Variants in VCAN observed in about 807,000 individuals in gnomAD.
VCAN encodes versican core protein.
In VCAN, 44 loss-of-function variants were observed where a neutral mutation model predicts 245.5. That is an observed-to-expected ratio of 0.18 (90% CI 0.14 to 0.23). VCAN has a LOEUF of 0.23. Among genes scored for constraint, VCAN ranks in the 10% least tolerant of loss-of-function variants. The probability of loss-of-function intolerance (pLI) is 1.00; values close to 1 mark genes in which losing one functional copy is unlikely to be tolerated. For synonymous variants in VCAN, 1,413 were observed against 1,437.0 expected, an observed-to-expected ratio of 0.98 and a Z score of 0.38; for missense variants, 3,793 against 4,057.9, an observed-to-expected ratio of 0.93 and a Z score of 1.77.
intron 5 of VCAN, among the ~76,000 whole-genome samples, chr5:83,511,139 T>C (rs1745640335): frequency 6.7e-6 from 1 of 148,404 alleles, no homozygotes; most frequent in South Asian, 2.2e-4. Flanking sequence ...GTTGGGGGAG[T>C]CTTTCTCTCT....
chr5:83,489,177 A>G (rs962172290), intron 2 of VCAN, among the ~76,000 whole-genome samples: 4 of 151,288 alleles, frequency 2.6e-5, no homozygotes, highest in African/African-American at 9.8e-5. Context: ...CTTGTTGACC[A>G]TATTTTCATG....
intron 7 of VCAN, among the ~76,000 whole-genome samples, chr5:83,534,586 A>C (rs1340941758): frequency 6.6e-6 from 1 of 152,112 alleles, no homozygotes; most frequent in East Asian, 1.9e-4. Flanking sequence ...ATTTAAGTTA[A>C]TGAAGCAAAA....
chr5:83,514,033 A>G (rs1430370202), intron 6 of VCAN, among the ~76,000 whole-genome samples: 2 of 152,240 alleles, frequency 1.3e-5, no homozygotes, highest in African/African-American at 4.8e-5. Flanking sequence ...CACAAAGACT[A>G]TTATTAAAGA....
chr5:83,537,258 A>G lies in VCAN; in HGVS notation c.4255A>G (p.Thr1419Ala), dbSNP rs1746756536. The change falls in exon 8 of 15, where the codon ACT becomes GCT. Residue 1419 changes from threonine to alanine, a missense_variant. Thr to Ala is a moderately conservative substitution (Grantham distance 58). Transcript: ENST00000265077. ...CATAAATGGGAAGCATCTCGTTACCACTGTGCCCAAGGACCCAGAAGCTGC... is the reference window on the plus strand; with the variant it reads ...CATAAATGGGAAGCATCTCGTTACCGCTGTGCCCAAGGACCCAGAAGCTGC... ...QYINGKHLVT[T>A]VPKDPEAAEA... The G allele has an allele frequency of 6.2e-7, 1 of 1,613,960 alleles. No individual in the cohort carries two copies. Among genetic ancestry groups the G allele is most frequent in the African/African-American group, 1.3e-5 (1 of 75,038 alleles).
chr5:83,537,019 A>G lies in VCAN; in HGVS notation c.4016A>G (p.Asp1339Gly). The G allele has an allele frequency of 1.3e-6, 2 of 1,595,990 alleles. No homozygotes were observed. The highest frequency in any genetic ancestry group is 1.7e-6 in the Non-Finnish European group (2 of 1,171,742). Residue 1339 changes from aspartate to glycine, a missense_variant, in exon 8 of 15, where the codon GAT becomes GGT. By Grantham distance (94) the Asp-to-Gly change is moderately conservative. Coordinates refer to ENST00000265077, the MANE Select transcript of VCAN (RefSeq NM_004385.5). Reference protein sequence around the residue: ...VRENKTGRMSDLSVIGHPIDS... With the variant: ...VRENKTGRMSGLSVIGHPIDS... ...CTGTTTTTTTCAGGTCGAATGAGTGATTTGAGTGTAATTGGTCATCCAATA... is the reference window on the plus strand; with the variant it reads ...CTGTTTTTTTCAGGTCGAATGAGTGGTTTGAGTGTAATTGGTCATCCAATA...
intron 13 of VCAN, among the ~76,000 whole-genome samples, chr5:83,577,264 A>G (rs1178891069): frequency 1.3e-5 from 2 of 152,108 alleles, no homozygotes; most frequent in East Asian, 3.9e-4. Flanking sequence ...TGAATTCCTT[A>G]AACTGTTGAC....
At position 83,579,984 on chromosome 5, in the gene VCAN, T is replaced by C; in HGVS notation, c.9885T>C (p.Ala3295=). 6.2e-7 allele frequency: 1 copy of C among 1,614,116 alleles called. No homozygotes were observed. Among genetic ancestry groups the C allele is most frequent in the Non-Finnish European group, 8.5e-7 (1 of 1,179,982 alleles). The part of the protein sequence containing the change: ...LTYTCKKGTV[A]CGQPPVVENA... ...ACCCAATTTGCTTTCCTTTAGTCGCTTGCGGCCAGCCCCCTGTTGTAGAAA... is the reference window on the plus strand; with the variant it reads ...ACCCAATTTGCTTTCCTTTAGTCGCCTGCGGCCAGCCCCCTGTTGTAGAAA... Residue 3295 remains alanine, a synonymous_variant, in exon 14 of 15, where the codon GCT becomes GCC. Transcript: ENST00000265077.
At chr5:83,517,799 T>C (rs1231019060) in intron 6 of VCAN, among the ~76,000 whole-genome samples, 2 of 152,222 alleles carry the variant, frequency 1.3e-5, no homozygotes, top group Non-Finnish European at 2.9e-5. Context: ...TAAAGAATAT[T>C]TAAATGTATC....
intron 12 of VCAN, chr5:83,561,929 G>T (rs962383983): frequency 1.3e-5 from 2 of 152,162 alleles, no homozygotes; most frequent in Non-Finnish European, 2.9e-5. Context: ...TTCTAAGCTT[G>T]TTGTAGATTT....
chr5:83,519,866 G>A lies in VCAN; in HGVS notation c.1560G>A (p.Leu520=). The A allele has an allele frequency of 6.2e-7, 1 of 1,614,062 alleles. No homozygotes were observed. The highest frequency in any genetic ancestry group is 8.5e-7 in the Non-Finnish European group (1 of 1,179,982). ...SKEFPVTETP[L]VTARMILESK... ...AATTCCCTGTAACTGAAACACCATT[G>A]GTAACTGCAAGAATGATCCTGGAAT... The change falls in exon 7 of 15, where the codon TTG becomes TTA. Residue 520 remains leucine (L), a synonymous_variant. Coordinates refer to ENST00000265077, the MANE Select transcript of VCAN (RefSeq NM_004385.5).
intron 5 of VCAN, among the ~76,000 whole-genome samples, chr5:83,497,825 G>A (rs1745207380): frequency 6.6e-6 from 1 of 152,152 alleles, no homozygotes; most frequent in Non-Finnish European, 1.5e-5. Context: ...TATTTATTTG[G>A]TTTCCTGATG....
chr5:83,527,878 C>A (rs1468622901), intron 7 of VCAN, among the ~76,000 whole-genome samples: 1 of 152,144 alleles, frequency 6.6e-6, no homozygotes, highest in African/African-American at 2.4e-5. Flanking sequence ...ATGGCACTTG[C>A]AATTACAATT....
chr5:83,523,300 G>A lies in VCAN; in HGVS notation c.4003+991G>A, dbSNP rs310518. On this transcript the variant is annotated intron_variant, in intron 7 of 14. Coordinates refer to ENST00000265077, the MANE Select transcript of VCAN (RefSeq NM_004385.5). ...TGTCTCTTTCTAGTTTAGAAATTAC[G>A]ATCATGGATTTTAGTTAATTTGCTA... 0.017 allele frequency among the ~76,000 whole-genome samples: 2,517 copies of A among 152,072 alleles called. 137 individuals are homozygous for A. The East Asian group carries it at 0.19, about 12-fold the overall frequency.
Position 83,582,213 on chromosome 5 carries a change from T to G in VCAN, c.*1779T>G, listed in dbSNP as rs1009484316. On this transcript the variant is annotated 3_prime_UTR_variant, in exon 15 of 15. Coordinates refer to ENST00000265077, the MANE Select transcript of VCAN (RefSeq NM_004385.5). Reference sequence around the variant, plus strand: ...GTGTATAGTGTAAAATGTGAATGACTTTTTTTGTGAATGAAAATCTAAAAT... The same window carrying G: ...GTGTATAGTGTAAAATGTGAATGACGTTTTTTGTGAATGAAAATCTAAAAT... The G allele has an allele frequency of 2.0e-5, 3 of 152,148 alleles. No homozygotes were observed. Among genetic ancestry groups the G allele is most frequent in the Admixed American group, 1.3e-4 (2 of 15,262 alleles). 9.4% of individuals were successfully genotyped at this position (152,148 alleles called of 1,614,324 possible).
intron 5 of VCAN, among the ~76,000 whole-genome samples, chr5:83,511,372 C>T (rs1161776036): frequency 1.3e-5 from 2 of 151,814 alleles, no homozygotes; most frequent in Non-Finnish European, 2.9e-5. Context: ...AGGCTTTATC[C>T]AAAGAGGCTG....
At position 83,580,977 on chromosome 5, in the gene VCAN, A is replaced by G. The variant is rs982831809; in HGVS notation, c.*543A>G. ...GATGGCTTTTCCTGGACAGCTAGAA[A>G]ACACAAAATCTTGTAGGTCATTGCA... On this transcript the variant is annotated 3_prime_UTR_variant, in exon 15 of 15. Coordinates refer to ENST00000265077, the MANE Select transcript of VCAN (RefSeq NM_004385.5). The G allele has an allele frequency of 5.4e-6, 1 of 184,382 alleles. No individual in the cohort carries two copies. Among genetic ancestry groups the G allele is most frequent in the Admixed American group, 5.4e-5 (1 of 18,562 alleles). 11.4% of individuals were successfully genotyped at this position (184,382 alleles called of 1,614,324 possible).
chr5:83,517,364 AT>A (rs1745890394), intron 6 of VCAN, among the ~76,000 whole-genome samples: 2 of 152,186 alleles, frequency 1.3e-5, no homozygotes, highest in South Asian at 4.1e-4. Context: ...AGCCAAGGAA[AT>A]ACTCAGAGGG....
chr5:83,546,130 C>G (rs1219254346), intron 9 of VCAN, among the ~76,000 whole-genome samples: 2 of 152,044 alleles, frequency 1.3e-5, no homozygotes, highest in Non-Finnish European at 2.9e-5. Context: ...GCCCAACGTG[C>G]CTCGGCCTCA....
intron 12 of VCAN, among the ~76,000 whole-genome samples, chr5:83,562,555 T>G (rs1747906929): frequency 1.3e-5 from 2 of 152,138 alleles, no homozygotes; most frequent in African/African-American, 4.8e-5. Flanking sequence ...CAGTAGCATC[T>G]CACAGATGCT....
Sources: allele counts gnomAD v4.1 joint callset (sites outside exome capture counted in the v4.1 genomes callset), GRCh38; gene constraint gnomAD v4.1.1; transcripts MANE v1.5; gene names NCBI Gene and HGNC (gene_info 2026-07-23, HGNC 2026-07-21).